The following MAF variants were observed in gnomAD, a reference collection of about 807,000 sequenced individuals.
MAF encodes MAF bZIP transcription factor.
Under a neutral mutation model 22.0 loss-of-function variants are expected in MAF, and 10 were observed. The ratio of observed to expected loss-of-function variants is 0.45; its 90% CI spans 0.28 to 0.77. The LOEUF (loss-of-function observed/expected upper bound fraction) is 0.77. Ranked by LOEUF, MAF falls within the 30% of genes least tolerant of loss-of-function variation. MAF has a pLI of 0.12. For synonymous variants in MAF, 337 were observed against 255.8 expected, an observed-to-expected ratio of 1.32 and a Z score of -3.03; for missense variants, 544 against 548.4, an observed-to-expected ratio of 0.99 and a Z score of 0.08.
the MAF span, among the ~76,000 whole-genome samples, chr16:79,333,308 G>A: frequency 3.3e-5 from 5 of 152,288 alleles, no homozygotes; most frequent in East Asian, 9.7e-4. Context: ...CAGACTCTGG[G>A]ATCAGGGGTG....
the MAF span, among the ~76,000 whole-genome samples, chr16:79,270,900 G>GGT: frequency 1.4e-5 from 2 of 144,304 alleles, no homozygotes; most frequent in Non-Finnish European, 3.0e-5. Flanking sequence ...CATGGCCAGA[G>GGT]TTTTTTTTTT....
the MAF span, among the ~76,000 whole-genome samples, chr16:79,415,059 C>A: frequency 6.6e-6 from 1 of 152,170 alleles, no homozygotes; most frequent in Non-Finnish European, 1.5e-5. Flanking sequence ...ATTCCCATGC[C>A]CAGGCTTAAC....
the MAF span, among the ~76,000 whole-genome samples, chr16:79,554,592 C>T: frequency 3.3e-5 from 5 of 152,102 alleles, no homozygotes; most frequent in South Asian, 2.1e-4. Context: ...CAAGTGAGGG[C>T]CCCTTTGTCT....
At chr16:79,310,552 A>G in the MAF span, among the ~76,000 whole-genome samples, 1 of 152,192 alleles carries the variant, frequency 6.6e-6, no homozygotes, top group Non-Finnish European at 1.5e-5. Flanking sequence ...TGCTGTCCCA[A>G]AGAGGTGGCT....
At chr16:79,407,797 C>G in the MAF span, among the ~76,000 whole-genome samples, 2 of 152,106 alleles carry the variant, frequency 1.3e-5, no homozygotes, top group Non-Finnish European at 1.5e-5. Context: ...GTCGAGCCGC[C>G]CCACGAAGCC....
the MAF span, among the ~76,000 whole-genome samples, chr16:79,377,850 T>C: frequency 9.0e-4 from 137 of 152,328 alleles, no homozygotes; most frequent in African/African-American, 3.2e-3. Flanking sequence ...ATATGCAGCA[T>C]TATTTCTGAG....
the MAF span, chr16:79,505,703 A>C: frequency 4.6e-5 from 7 of 152,382 alleles, no homozygotes; most frequent in African/African-American, 1.4e-4. Context: ...CAGCAAGACA[A>C]ATAAGGTGAG....
chr16:79,340,313 C>G, the MAF span, among the ~76,000 whole-genome samples: 1 of 151,860 alleles, frequency 6.6e-6, no homozygotes, highest in East Asian at 2.0e-4. Context: ...TTATTATTGT[C>G]ACGATGATGA....
chr16:79,233,129 C>T, the MAF span, among the ~76,000 whole-genome samples: 33 of 152,020 alleles, frequency 2.2e-4, no homozygotes, highest in East Asian at 5.6e-3. Flanking sequence ...CGTGAACCAC[C>T]GCGCCCGGCC....
At chr16:79,428,313 C>G in the MAF span, among the ~76,000 whole-genome samples, 2 of 152,086 alleles carry the variant, frequency 1.3e-5, no homozygotes, top group Non-Finnish European at 2.9e-5. Context: ...GCTTCTGAGT[C>G]TCACCCCTGG....
chr16:79,328,657 T>C, the MAF span, among the ~76,000 whole-genome samples: 1 of 152,194 alleles, frequency 6.6e-6, no homozygotes, highest in Non-Finnish European at 1.5e-5. Flanking sequence ...CACTGTGTGA[T>C]TTGGGAGTCT....
the MAF span, among the ~76,000 whole-genome samples, chr16:79,209,397 C>G: frequency 6.6e-6 from 1 of 152,170 alleles, no homozygotes; most frequent in East Asian, 1.9e-4. Context: ...AGGAAGAATT[C>G]TGCTTTTTGC....
At chr16:79,559,305 C>A in the MAF span, among the ~76,000 whole-genome samples, 2 of 152,126 alleles carry the variant, frequency 1.3e-5, no homozygotes, top group Admixed American at 1.3e-4. Context: ...TGAATCAGCC[C>A]GATCACCCAC....
chr16:79,282,247 C>A, the MAF span, among the ~76,000 whole-genome samples: 8 of 152,158 alleles, frequency 5.3e-5, no homozygotes, highest in Non-Finnish European at 1.2e-4. Flanking sequence ...AATGGAGACT[C>A]GGAGTGGTAT....
chr16:79,213,002 C>T, the MAF span: 2 of 148,430 alleles, frequency 1.3e-5, no homozygotes, highest in Non-Finnish European at 3.0e-5. Context: ...CCTCAATGGT[C>T]TGCTCCCCTG....
the MAF span, among the ~76,000 whole-genome samples, chr16:79,412,879 A>T: frequency 2.0e-5 from 3 of 152,224 alleles, no homozygotes; most frequent in African/African-American, 7.2e-5. Flanking sequence ...CTTGTCCTGA[A>T]ATCTCACAAG....
the MAF span, among the ~76,000 whole-genome samples, chr16:79,547,993 A>G: frequency 6.6e-6 from 1 of 152,188 alleles, no homozygotes; most frequent in Non-Finnish European, 1.5e-5. Context: ...TTTCTAATAC[A>G]TGGGCTCAGC....
At chr16:79,476,160 G>C in the MAF span, among the ~76,000 whole-genome samples, 2 of 152,064 alleles carry the variant, frequency 1.3e-5, no homozygotes, top group African/African-American at 4.8e-5. Flanking sequence ...GTTTTTAGCT[G>C]GAAGGGAGTT....
chr16:79,485,727 G>C, the MAF span, among the ~76,000 whole-genome samples: 2 of 152,050 alleles, frequency 1.3e-5, no homozygotes, highest in Non-Finnish European at 2.9e-5. Context: ...AAGATCTGTC[G>C]GGTTCCTCCT....
Sources: allele counts gnomAD v4.1 joint callset (sites outside exome capture counted in the v4.1 genomes callset), GRCh38; gene constraint gnomAD v4.1.1; transcripts MANE v1.5; gene names NCBI Gene and HGNC (gene_info 2026-07-23, HGNC 2026-07-21).